Variants in MIA2 observed in about 807,000 individuals in gnomAD.
MIA2 encodes MIA SH3 domain ER export factor 2.
Under a neutral mutation model 167.8 loss-of-function variants are expected in MIA2, and 127 were observed. The observed-to-expected ratio is 0.76, with a 90% CI of 0.66 to 0.88. The LOEUF (loss-of-function observed/expected upper bound fraction) is 0.88. MIA2 is among the 40% of genes least tolerant of loss of function. The pLI, the probability that MIA2 is intolerant of heterozygous loss-of-function variation, is 0.00. For missense variants in MIA2, 1,690 were observed against 1,624.7 expected (o/e 1.04, Z -0.69); for synonymous variants, 552 against 541.9 (o/e 1.02, Z -0.26).
intron 24 of MIA2, among the ~76,000 whole-genome samples, chr14:39,325,026 C>T (rs965308804): frequency 6.6e-6 from 1 of 152,100 alleles, no homozygotes; most frequent in Non-Finnish European, 1.5e-5. Context: ...AGTTCAAGAC[C>T]AGCCTGGGCA....
At chr14:39,238,909 T>C (rs1292092371) in intron 2 of MIA2, among the ~76,000 whole-genome samples, 1 of 150,816 alleles carries the variant, frequency 6.6e-6, no homozygotes, top group Non-Finnish European at 1.5e-5. Context: ...TCTGAATATA[T>C]AACATGGGAA....
intron 6 of MIA2, among the ~76,000 whole-genome samples, chr14:39,263,451 C>A (rs905763963): frequency 1.3e-5 from 2 of 151,110 alleles, no homozygotes; most frequent in Non-Finnish European, 2.9e-5. Context: ...CCAGGCCAGT[C>A]TGGAGCTCCT....
chr14:39,353,382 C>G (rs371905623), downstream of MIA2, among the ~76,000 whole-genome samples: 1 of 152,152 alleles, frequency 6.6e-6, no homozygotes, highest in Non-Finnish European at 1.5e-5. Flanking sequence ...ATCTATCATT[C>G]TATTCTCTGT....
At chr14:39,374,974 T>G (rs2075018848) in intron 23 of MIA2, among the ~76,000 whole-genome samples, 1 of 152,354 alleles carries the variant, frequency 6.6e-6, no homozygotes, top group South Asian at 2.1e-4. Context: ...TTTAAAACTT[T>G]CAGAGTGTGC....
At chr14:39,304,159 G>C (rs1168956127) in intron 16 of MIA2, 132 bp from the exon 17 acceptor site, 2 of 435,894 alleles carry the variant, frequency 4.6e-6, no homozygotes, top group Middle Eastern at 6.2e-4. Context: ...CTGTATTCCA[G>C]GTGATAATTT....
intron 23 of MIA2, among the ~76,000 whole-genome samples, chr14:39,372,748 G>C (rs1321757922): frequency 6.6e-6 from 1 of 152,238 alleles, no homozygotes; most frequent in East Asian, 1.9e-4. Context: ...ATGTATAAAT[G>C]GATATAGAGA....
intron 23 of MIA2, chr14:39,386,640 T>C: frequency 9.6e-7 from 1 of 1,044,576 alleles, no homozygotes; most frequent in South Asian, 1.4e-5. Flanking sequence ...GGCAGTCTGA[T>C]CTGTGACAGC....
chr14:39,319,354 C>T (rs2066009531), intron 23 of MIA2, 63 bp downstream of exon 23: 1 of 767,298 alleles, frequency 1.3e-6, no homozygotes, highest in Non-Finnish European at 1.9e-6. Context: ...ATATATTGCA[C>T]ATATAGTTTC....
chr14:39,320,989 C>G lies in MIA2; in HGVS notation c.3429C>G (p.Leu1143=), dbSNP rs751862436. ...CTTCATCTGAAACAAGAGCTTTTCT[C>G]TCTCCTCCAACTTTGTTGGAGGGTC... ...GWPSSETRAF[L]SPPTLLEGPL... is the part of the protein sequence containing the mutation. The change falls in exon 24 of 29, where the codon CTC becomes CTG. Residue 1143 remains leucine, a synonymous_variant. Coordinates refer to ENST00000640607, the MANE Select transcript of MIA2 (RefSeq NM_001329214.4). 2.5e-6 allele frequency: 4 copies of G among 1,613,768 alleles called. No homozygotes were observed. Among genetic ancestry groups the G allele is most frequent in the Non-Finnish European group, 2.5e-6 (3 of 1,179,712 alleles).
chr14:39,386,407 G>A lies in MIA2; in HGVS notation c.2249-478G>A, dbSNP rs573592356. The A allele has an allele frequency of 5.8e-5, 91 of 1,557,660 alleles. No homozygotes were observed. The African/African-American group carries it at 1.2e-3, about 20-fold the overall frequency. On this transcript the variant is annotated intron_variant, in intron 23 of 23. Coordinates refer to the MIA2 transcript ENST00000341502. Reference sequence around the variant, plus strand: ...AAACGCTTACACTACGTTTCCTTTTGGCTTTAACAAGGCTGTTTCTAGCAG... The same window carrying A: ...AAACGCTTACACTACGTTTCCTTTTAGCTTTAACAAGGCTGTTTCTAGCAG...
chr14:39,374,020 G>A (rs1386634827), intron 23 of MIA2, among the ~76,000 whole-genome samples: 1 of 152,036 alleles, frequency 6.6e-6, no homozygotes, highest in Admixed American at 6.6e-5. Context: ...TGTGAGACTG[G>A]ACCCAGCTAA....
chr14:39,266,260 A>G (rs1447786748), intron 6 of MIA2: 1 of 985,294 alleles, frequency 1.0e-6, no homozygotes, highest in Admixed American at 6.1e-5. Context: ...CAAGGAAGAC[A>G]TATATATGAG....
chr14:39,326,940 C>G lies in MIA2; in HGVS notation c.3573C>G (p.Thr1191=), dbSNP rs145828781. 142 of 1,596,944 alleles carry G rather than the reference C, an allele frequency of 8.9e-5. No individual in the cohort carries two copies. In the East Asian group the frequency reaches 3.0e-3, roughly 34 times the overall value. The change falls in exon 25 of 29, where the codon ACC becomes ACG. Residue 1191 remains threonine (T), a synonymous_variant. Transcript: ENST00000640607. ...GAGAATCAAGCTGTGATAGGTTAAC[C>G]GATCCTCATAGGGCTCCCTCTGACA... ...ERGESSCDRL[T]DPHRAPSDTG...
chr14:39,251,685 T>A (rs2152635724), intron 4 of MIA2, among the ~76,000 whole-genome samples: 1 of 152,304 alleles, frequency 6.6e-6, no homozygotes, highest in East Asian at 1.9e-4. Context: ...ATGCTCTTGT[T>A]AAGTATTATC....
At chr14:39,236,420 T>C (rs2053750665) in intron 1 of MIA2, among the ~76,000 whole-genome samples, 1 of 152,192 alleles carries the variant, frequency 6.6e-6, no homozygotes, top group Admixed American at 6.5e-5. Context: ...CCACTAGGGC[T>C]ATGTGACCAA....
At position 39,252,733 on chromosome 14, in the gene MIA2, T is replaced by C. The variant is rs867190563; in HGVS notation, c.1568-15T>C. ...AGTATTTTGGAAAAACACATTTCTT[T>C]TTATTTATTTGTAGATATGGTCTCT... is the stretch of plus-strand genomic sequence containing the variant. On this transcript the variant is annotated splice_polypyrimidine_tract_variant and intron_variant, in intron 4 of 28. Coordinates refer to ENST00000640607, the MANE Select transcript of MIA2 (RefSeq NM_001329214.4). 6.3e-7 allele frequency: 1 copy of C among 1,580,072 alleles called. No homozygotes were observed. The highest frequency in any genetic ancestry group is 1.7e-4 in the Middle Eastern group (1 of 5,898).
chr14:39,240,351 A>G (rs1176717587), intron 2 of MIA2, among the ~76,000 whole-genome samples: 1 of 152,242 alleles, frequency 6.6e-6, no homozygotes, highest in Non-Finnish European at 1.5e-5. Context: ...GTGACATTTT[A>G]TGATTTGGCT....
At chr14:39,325,492 T>G (rs373290755) in intron 24 of MIA2, among the ~76,000 whole-genome samples, 4 of 129,812 alleles carry the variant, frequency 3.1e-5, no homozygotes, top group African/African-American at 1.2e-4. Context: ...CTCAGCCTCC[T>G]GAGTAGCTGG....
At chr14:39,266,293 G>T in intron 6 of MIA2, 9 of 985,356 alleles carry the variant, frequency 9.1e-6, no homozygotes, top group Non-Finnish European at 1.1e-5. Context: ...TTACACCTAC[G>T]TCAGCTAAAA....
Sources: allele counts gnomAD v4.1 joint callset (sites outside exome capture counted in the v4.1 genomes callset), GRCh38; gene constraint gnomAD v4.1.1; transcripts MANE v1.5; gene names NCBI Gene and HGNC (gene_info 2026-07-23, HGNC 2026-07-21).